Variants in ZNF333 observed in about 807,000 individuals in gnomAD.
ZNF333 encodes the protein zinc finger protein 333.
In ZNF333, 61 loss-of-function variants were observed where a neutral mutation model predicts 76.1. That is an observed-to-expected ratio of 0.80 (90% CI 0.65 to 0.99). The LOEUF (loss-of-function observed/expected upper bound fraction) is 0.99, where lower values mean the gene tolerates loss of function less well. Ranked by LOEUF, ZNF333 falls within the 50% of genes least tolerant of loss-of-function variation. ZNF333 has a pLI of 0.00. For missense variants in ZNF333, 717 were observed against 822.4 expected (o/e 0.87, Z 1.57); for synonymous variants, 284 against 305.0 (o/e 0.93, Z 0.72).
chr19:14,702,033 C>A, intron 5 of ZNF333: 1 of 380,938 alleles, frequency 2.6e-6, no homozygotes, highest in South Asian at 1.1e-4. Context: ...CCCTTCCAGG[C>A]CATGCCAGGC....
chr19:14,698,893 A>AATATATAT (rs1555771012), intron 4 of ZNF333, among the ~76,000 whole-genome samples: 9 of 113,060 alleles, frequency 8.0e-5, no homozygotes, highest in African/African-American at 1.1e-4. Context: ...CACACACACA[A>AATATATAT]ATATAGATAT....
intron 2 of ZNF333, among the ~76,000 whole-genome samples, chr19:14,694,037 G>A (rs1023141308): frequency 6.7e-6 from 1 of 149,560 alleles, no homozygotes; most frequent in Non-Finnish European, 1.5e-5. Context: ...TTTCTCAGTC[G>A]CCCCAGTCAC....
At chr19:14,698,681 T>C (rs564301353) in intron 4 of ZNF333, among the ~76,000 whole-genome samples, 16 of 147,266 alleles carry the variant, frequency 1.1e-4, no homozygotes, top group African/African-American at 3.8e-4. Flanking sequence ...CTACTAAAAA[T>C]ACAAAAAAAA....
At chr19:14,696,084 T>C (rs1973164682) in intron 4 of ZNF333, among the ~76,000 whole-genome samples, 1 of 152,104 alleles carries the variant, frequency 6.6e-6, no homozygotes, top group Admixed American at 6.5e-5. Context: ...GGCATGAGAA[T>C]TGCTTGAACC....
intron 2 of ZNF333, among the ~76,000 whole-genome samples, chr19:14,693,862 C>T (rs950801012): frequency 3.3e-5 from 5 of 151,844 alleles, no homozygotes; most frequent in African/African-American, 4.8e-5. Context: ...TGCCTGGAAT[C>T]GCAGCTACTT....
rs1026957339 is a variant in ZNF333, at chr19:14,720,135, G to A, written c.*810G>A. On this transcript the variant is annotated 3_prime_UTR_variant, in exon 12 of 12. Coordinates refer to ENST00000292530, the MANE Select transcript of ZNF333 (RefSeq NM_032433.4). ...CAGGAGGCAGAGGTTGCAGTGAGCC[G>A]AGATTGCGCCACTGCACTCCAGCCT... 1.6e-5 allele frequency: 15 copies of A among 926,836 alleles called. No individual in the cohort carries two copies. The highest frequency in any genetic ancestry group is 1.2e-4 in the East Asian group (1 of 8,536). The allele number at this position is 926,836 out of a possible 1,614,324, so 57.4% of individuals were successfully genotyped here. A position where few individuals can be genotyped will look rare whatever the true frequency, so the allele number is the denominator to read the frequency against.
rs191124852 is a variant in ZNF333, at chr19:14,716,714, G to A, written c.728-280G>A. On this transcript the variant is annotated intron_variant, in intron 9 of 11. Coordinates refer to ENST00000292530, the MANE Select transcript of ZNF333 (RefSeq NM_032433.4). The stretch of plus-strand genomic sequence containing the variant: ...TCTATGGAATGAAGATCTTTTTACT[G>A]CCCTGTCTTTCTGTGACTAAAAGTT... Among the ~76,000 whole-genome samples the A allele has an allele frequency of 3.2e-3, 489 of 152,304 alleles. 2 individuals are homozygous for A. The highest frequency in any genetic ancestry group is 0.013 in the Admixed American group (196 of 15,302).
intron 1 of ZNF333, among the ~76,000 whole-genome samples, chr19:14,692,178 T>G (rs1972825578): frequency 6.6e-6 from 1 of 152,148 alleles, no homozygotes; most frequent in Non-Finnish European, 1.5e-5. Flanking sequence ...ATAATATTGG[T>G]AAATTAATAG....
chr19:14,704,957 T>C (rs1186369477), intron 5 of ZNF333, 97 bp from the exon 6 acceptor site: 1 of 1,203,290 alleles, frequency 8.3e-7, no homozygotes, highest in Admixed American at 2.1e-5. Context: ...TTGCCTTGAC[T>C]TCTGGCAGCC....
At chr19:14,706,217 A>G (rs1408562622) in intron 6 of ZNF333, 1 of 456,720 alleles carries the variant, frequency 2.2e-6, no homozygotes, top group Non-Finnish European at 4.4e-6. Context: ...GATCCCTTAG[A>G]AGTGCAAGTC....
rs35588096 is a variant in ZNF333 at position 14,694,470 on chromosome 19, C to CA, written c.4-528dup. ...CCTGGACGACAGAGCAAGACTGTCTCAAAAAAAAAAAAGAAAAAAAGAAAA... is the reference window on the plus strand; with the variant it reads ...CCTGGACGACAGAGCAAGACTGTCTCAAAAAAAAAAAAAGAAAAAAAGAAAA... On this transcript the variant is annotated intron_variant, in intron 2 of 11. Coordinates refer to ENST00000292530, the MANE Select transcript of ZNF333 (RefSeq NM_032433.4). Among the ~76,000 whole-genome samples, 38 of 147,004 alleles carry CA rather than the reference C, an allele frequency of 2.6e-4. 1 individual carries two copies. The highest frequency in any genetic ancestry group is 8.2e-4 in the Admixed American group (12 of 14,698).
downstream of ZNF333, among the ~76,000 whole-genome samples, chr19:14,722,954 T>G (rs568100632): frequency 2.7e-4 from 41 of 152,190 alleles, no homozygotes; most frequent in Non-Finnish European, 4.4e-4. Flanking sequence ...CCTGGCTAAT[T>G]TTTTTGTATT....
intron 7 of ZNF333, among the ~76,000 whole-genome samples, chr19:14,711,575 G>A (rs372964916): frequency 1.3e-5 from 2 of 152,198 alleles, no homozygotes; most frequent in South Asian, 4.1e-4. Context: ...GCTGAGGAGG[G>A]AGAATCACTT....
chr19:14,717,860 C>T (rs1002007260), intron 11 of ZNF333, 127 bp downstream of exon 11: 12 of 896,182 alleles, frequency 1.3e-5, no homozygotes, highest in Middle Eastern at 2.9e-4. Flanking sequence ...CAGAAGGAAG[C>T]AGTTTCTTGG....
At chr19:14,717,328 T>G (rs568003325) in intron 10 of ZNF333, 2 of 541,266 alleles carry the variant, frequency 3.7e-6, no homozygotes, top group South Asian at 4.9e-5. Context: ...TATTTCCATG[T>G]GTATATTTTA....
intron 7 of ZNF333, among the ~76,000 whole-genome samples, chr19:14,711,185 C>T (rs2042264286): frequency 6.6e-6 from 1 of 152,140 alleles, no homozygotes. Context: ...TCCAGACTTT[C>T]AGAAGGAAAG....
intron 1 of ZNF333, among the ~76,000 whole-genome samples, chr19:14,692,997 T>A (rs551042323): frequency 5.3e-4 from 80 of 151,936 alleles, no homozygotes; most frequent in African/African-American, 1.8e-3. Flanking sequence ...CAGCTAATTT[T>A]TGTATTTTTA....
At chr19:14,695,433 C>A in intron 3 of ZNF333, 133 bp from the exon 4 acceptor site, 1 of 895,130 alleles carries the variant, frequency 1.1e-6, no homozygotes, top group Non-Finnish European at 1.8e-6. Context: ...CTTTGCTACC[C>A]ATCACACTTG....
In ZNF333 at chr19:14,696,504, T is replaced by C. The variant is rs570175354; in HGVS notation, c.223+843T>C. On this transcript the variant is annotated intron_variant, in intron 4 of 11. Coordinates refer to ENST00000292530, the MANE Select transcript of ZNF333 (RefSeq NM_032433.4). The stretch of plus-strand genomic sequence containing the variant: ...TGCAAGTAAGTTAGACTGGGTAGTT[T>C]ATAAACAATAGAAGTTTATTTGACT... 4.6e-5 allele frequency among the ~76,000 whole-genome samples: 7 copies of C among 152,248 alleles called. No individual in the cohort carries two copies. The South Asian group carries it at 1.4e-3, about 32-fold the overall frequency.
Sources: gnomAD v4.1 joint callset for allele counts (sites outside exome capture counted in the v4.1 genomes callset) on GRCh38, gnomAD v4.1.1 for gene constraint, MANE v1.5 for transcripts, NCBI Gene and HGNC (gene_info 2026-07-23, HGNC 2026-07-21) for gene names.